The following RYR2 variants were observed in gnomAD, a reference collection of about 807,000 sequenced individuals.
RYR2 encodes ryanodine receptor 2.
Under a neutral mutation model 601.1 loss-of-function variants are expected in RYR2, and 227 were observed. The observed-to-expected ratio is 0.38, with a 90% confidence interval of 0.34 to 0.42. The LOEUF (loss-of-function observed/expected upper bound fraction) is 0.42, where lower values mean the gene tolerates loss of function less well. RYR2 is among the 10% of genes least tolerant of loss of function. RYR2 has a pLI of 1.00. For synonymous variants in RYR2, 2,223 were observed against 2,175.1 expected (o/e 1.02, Z -0.61); for missense variants, 4,646 against 6,156.5 (o/e 0.75, Z 8.21).
chr1:237,743,037 C>CT (rs1330496539), intron 80 of RYR2, among the ~76,000 whole-genome samples: 4 of 151,972 alleles, frequency 2.6e-5, no homozygotes, highest in East Asian at 3.9e-4. Flanking sequence ...CTAACTACCG[C>CT]TTTTTTTGTT....
chr1:237,782,615 T>A (rs1695216124), intron 89 of RYR2, among the ~76,000 whole-genome samples: 1 of 152,170 alleles, frequency 6.6e-6, no homozygotes, highest in African/African-American at 2.4e-5. Flanking sequence ...GGATCCATTT[T>A]TCCATGCATG....
intron 61 of RYR2, among the ~76,000 whole-genome samples, chr1:237,678,520 G>C (rs1685596686): frequency 6.6e-6 from 1 of 152,202 alleles, no homozygotes; most frequent in Non-Finnish European, 1.5e-5. Context: ...ATTTAGTACA[G>C]AATATTGTGG....
intron 51 of RYR2, 53 bp from the exon 52 acceptor site, chr1:237,654,221 A>C: frequency 6.3e-7 from 1 of 1,589,158 alleles, no homozygotes; most frequent in South Asian, 1.2e-5. Context: ...AATGAAAAAA[A>C]AATATAAAAG....
At chr1:237,562,249 A>G (rs939668020) in intron 27 of RYR2, among the ~76,000 whole-genome samples, 1 of 152,228 alleles carries the variant, frequency 6.6e-6, no homozygotes, top group Non-Finnish European at 1.5e-5. Context: ...GAATTGTTTT[A>G]TCCAAAATAA....
intron 73 of RYR2, among the ~76,000 whole-genome samples, chr1:237,722,169 A>C (rs900672170): frequency 2.0e-5 from 3 of 152,174 alleles, no homozygotes; most frequent in African/African-American, 7.2e-5. Flanking sequence ...TTCTACAATT[A>C]GACTGTGAAT....
chr1:237,334,328 C>T (rs539735498), intron 3 of RYR2, among the ~76,000 whole-genome samples: 28 of 151,924 alleles, frequency 1.8e-4, no homozygotes, highest in African/African-American at 5.1e-4. Flanking sequence ...TTTTGGTTCC[C>T]TAAAAAGTTG....
intron 32 of RYR2, among the ~76,000 whole-genome samples, chr1:237,592,427 G>A (rs535937523): frequency 6.6e-6 from 1 of 152,078 alleles, no homozygotes; most frequent in Non-Finnish European, 1.5e-5. Flanking sequence ...GAGGTCAAGA[G>A]TTCAAGACCA....
intron 67 of RYR2, among the ~76,000 whole-genome samples, chr1:237,705,966 A>G (rs1438223560): frequency 4.6e-5 from 7 of 152,214 alleles, no homozygotes; most frequent in African/African-American, 1.7e-4. Flanking sequence ...AAAGTTCAGC[A>G]AGGGCTGGGC....
chr1:237,508,793 A>T (rs1558940556), intron 23 of RYR2, among the ~76,000 whole-genome samples: 5 of 113,836 alleles, frequency 4.4e-5, no homozygotes. Context: ...CCCAGGCTGG[A>T]GTGCAGTGGC....
chr1:237,142,162 A>G (rs1174047242), intron 1 of RYR2, among the ~76,000 whole-genome samples: 1 of 152,170 alleles, frequency 6.6e-6, no homozygotes, highest in Non-Finnish European at 1.5e-5. Context: ...TTGGGCATGT[A>G]GGGTGGCTCC....
chr1:237,318,990 T>C (rs1277966057), intron 2 of RYR2, among the ~76,000 whole-genome samples: 1 of 152,170 alleles, frequency 6.6e-6, no homozygotes, highest in Non-Finnish European at 1.5e-5. Flanking sequence ...TCTGAGGCTC[T>C]GTGCATTTTT....
At chr1:237,477,194 C>T (rs1206850378) in intron 17 of RYR2, among the ~76,000 whole-genome samples, 3 of 152,066 alleles carry the variant, frequency 2.0e-5, no homozygotes, top group Admixed American at 1.3e-4. Flanking sequence ...AGATGGAGAC[C>T]ATCCTGGCCA....
intron 2 of RYR2, among the ~76,000 whole-genome samples, chr1:237,311,861 C>T (rs1694601415): frequency 6.6e-6 from 1 of 152,168 alleles, no homozygotes; most frequent in South Asian, 2.1e-4. Context: ...AAAACACTTA[C>T]TCTTATCATA....
chr1:237,132,202 T>C (rs1418188597), intron 1 of RYR2, among the ~76,000 whole-genome samples: 5 of 152,248 alleles, frequency 3.3e-5, no homozygotes, highest in Admixed American at 3.3e-4. Context: ...CACTATGTAA[T>C]GAGGACACTC....
chr1:237,119,579 T>TCTC (rs1670546247), intron 1 of RYR2, among the ~76,000 whole-genome samples: 1 of 152,128 alleles, frequency 6.6e-6, no homozygotes, highest in Non-Finnish European at 1.5e-5. Context: ...TGGGTCCATC[T>TCTC]CTCCTACGAT....
At chr1:237,812,553 T>G (rs1196593192) in intron 100 of RYR2, among the ~76,000 whole-genome samples, 1 of 152,176 alleles carries the variant, frequency 6.6e-6, no homozygotes, top group African/African-American at 2.4e-5. Context: ...TTGCTTTAGG[T>G]GGCTGGCTAC....
intron 11 of RYR2, among the ~76,000 whole-genome samples, chr1:237,422,635 C>T (rs1705710095): frequency 6.6e-6 from 1 of 152,130 alleles, no homozygotes; most frequent in East Asian, 1.9e-4. Context: ...ATTAATCATA[C>T]TTAGACGTTG....
chr1:237,104,554 C>T (rs1396724241), intron 1 of RYR2, among the ~76,000 whole-genome samples: 1 of 152,198 alleles, frequency 6.6e-6, no homozygotes, highest in Non-Finnish European at 1.5e-5. Context: ...TGTGGCTTTG[C>T]AGGTGCTGTT....
rs1297516153 is a variant in RYR2, at chr1:237,380,386, A to T, written c.576+2951A>T. On this transcript the variant is annotated intron_variant, in intron 8 of 104. Coordinates refer to ENST00000366574, the MANE Select transcript of RYR2 (RefSeq NM_001035.3). Reference sequence around the variant, plus strand: ...TATATATATATATATATATATATATATATATATATATATATATATATATAT... The same window carrying T: ...TATATATATATATATATATATATATTTATATATATATATATATATATATAT... Among the ~76,000 whole-genome samples, 3 of 25,674 alleles carry T rather than the reference A, an allele frequency of 1.2e-4. No homozygotes were observed. In the South Asian group the frequency reaches 3.3e-3, roughly 28 times the overall value. 16.8% of individuals were successfully genotyped at this position (25,674 alleles called of 152,430 possible).
Sources: gnomAD v4.1 joint callset for allele counts (sites outside exome capture counted in the v4.1 genomes callset) on GRCh38, gnomAD v4.1.1 for gene constraint, MANE v1.5 for transcripts, NCBI Gene and HGNC (gene_info 2026-07-23, HGNC 2026-07-21) for gene names.